COL4A1: variants seen among roughly 807,000 people sequenced by gnomAD.
COL4A1 encodes the protein collagen type IV alpha 1 chain.
Under a neutral mutation model 216.6 loss-of-function variants are expected in COL4A1, and 40 were observed. That is an observed-to-expected ratio of 0.18 (90% CI 0.14 to 0.24). The LOEUF (loss-of-function observed/expected upper bound fraction) is 0.24. COL4A1 is among the 10% of genes least tolerant of loss of function. The pLI is 1.00. For missense variants in COL4A1, 1,628 were observed against 2,196.8 expected, an observed-to-expected ratio of 0.74 and a Z score of 5.18; for synonymous variants, 839 against 810.7, an observed-to-expected ratio of 1.03 and a Z score of -0.59.
At chr13:110,214,081 C>A (rs563703903) in intron 2 of COL4A1, 66 bp from the exon 3 acceptor site, 4 of 1,247,530 alleles carry the variant, frequency 3.2e-6, no homozygotes, top group East Asian at 2.3e-5. Flanking sequence ...AATTGGTGAC[C>A]AACTGTGATG....
chr13:110,217,434 G>A (rs1363393027), intron 2 of COL4A1, among the ~76,000 whole-genome samples: 3 of 152,174 alleles, frequency 2.0e-5, no homozygotes, highest in Non-Finnish European at 4.4e-5. Flanking sequence ...TAGAGTCAGG[G>A]AGCAACAGGA....
At chr13:110,192,730 C>A in intron 23 of COL4A1, 100 bp downstream of exon 23, 1 of 1,011,882 alleles carries the variant, frequency 9.9e-7, no homozygotes, top group Non-Finnish European at 1.5e-6. Flanking sequence ...GATTGGCTGC[C>A]GAAAATCAGG....
At position 110,282,799 on chromosome 13, in the gene COL4A1, T is replaced by A. The variant is rs1883685952; in HGVS notation, c.84+24145A>T. ...AGGGATCATGAACTCTTTATTTAAG[T>A]ATTCACAAGCTTTCTGTCAAAAAAA... On this transcript the variant is annotated intron_variant, in intron 1 of 51. Coordinates refer to ENST00000375820, the MANE Select transcript of COL4A1 (RefSeq NM_001845.6). Among the ~76,000 whole-genome samples the A allele has an allele frequency of 1.3e-5, 2 of 152,208 alleles. 1 individual carries two copies. The highest frequency in any genetic ancestry group is 4.1e-4 in the South Asian group (2 of 4,830).
intron 28 of COL4A1, 146 bp downstream of exon 28, chr13:110,182,847 A>T: frequency 1.4e-6 from 1 of 711,196 alleles, no homozygotes; most frequent in Non-Finnish European, 2.3e-6. Context: ...TCCTGAAATC[A>T]CTGGGCTCAG....
intron 1 of COL4A1, among the ~76,000 whole-genome samples, chr13:110,246,477 A>T (rs1881818477): frequency 6.6e-6 from 1 of 152,214 alleles, no homozygotes; most frequent in South Asian, 2.1e-4. Context: ...TACTGTGTTT[A>T]AAAGGGGTAC....
chr13:110,172,616 TG>T, intron 41 of COL4A1, 103 bp downstream of exon 41: 2 of 1,134,318 alleles, frequency 1.8e-6, no homozygotes, highest in Middle Eastern at 2.2e-4. Flanking sequence ...CGTTGCTGCC[TG>T]GCCAACAGGC....
chr13:110,306,836 C>G (rs1490416625), intron 1 of COL4A1, 108 bp downstream of exon 1: 3 of 1,066,566 alleles, frequency 2.8e-6, no homozygotes, highest in Non-Finnish European at 3.7e-6. Context: ...CCGTGCCACG[C>G]GCGACCCCCG....
intron 26 of COL4A1, 86 bp from the exon 27 acceptor site, chr13:110,183,362 C>T (rs1020183022): frequency 2.6e-5 from 33 of 1,260,038 alleles, no homozygotes; most frequent in Admixed American, 7.8e-5. Context: ...GTGGGCTGCA[C>T]GCCACATCCT....
chr13:110,268,689 C>T lies in COL4A1; in HGVS notation c.85-25955G>A, dbSNP rs1005233763. On this transcript the variant is annotated intron_variant, in intron 1 of 51. Coordinates refer to ENST00000375820, the MANE Select transcript of COL4A1 (RefSeq NM_001845.6). The surrounding 1 kb of genome is among the most constrained non-coding windows in gnomAD (Gnocchi z 4.1). ...GCTCTACCTCTCCAAACCCGGGTGC[C>T]TTGTCCATGACCCCATGTGGGAATG... Among the ~76,000 whole-genome samples, 22 of 152,214 alleles carry T rather than the reference C, an allele frequency of 1.4e-4. No homozygotes were observed. The highest frequency in any genetic ancestry group is 2.9e-4 in the Non-Finnish European group (20 of 68,046).
intron 24 of COL4A1, among the ~76,000 whole-genome samples, chr13:110,188,319 G>A (rs992883913): frequency 1.3e-5 from 2 of 152,180 alleles, no homozygotes; most frequent in African/African-American, 4.8e-5. Flanking sequence ...ACATGCACAC[G>A]CTTCTGTGTG....
At chr13:110,215,754 T>C (rs1226388747) in intron 2 of COL4A1, among the ~76,000 whole-genome samples, 3 of 152,150 alleles carry the variant, frequency 2.0e-5, no homozygotes, top group Admixed American at 2.0e-4. Flanking sequence ...TTCAGTGCCT[T>C]TCTCAAAGTT....
chr13:110,284,954 G>A (rs1355898687), intron 1 of COL4A1, among the ~76,000 whole-genome samples: 1 of 152,220 alleles, frequency 6.6e-6, no homozygotes, highest in African/African-American at 2.4e-5. Context: ...AGCTGATGGT[G>A]TGGTCTAAAG....
In COL4A1 at chr13:110,170,674, G is replaced by C. The variant is rs145903540; in HGVS notation, c.3615C>G (p.Ser1205=). The part of the protein sequence containing the change: ...GLAGSPGIPG[S]KGEQGFMGPP... The stretch of plus-strand genomic sequence containing the variant: ...GACCCATGAATCCTTGCTCTCCTTT[G>C]GATCCAGGAATTCCTGGGCTCCCGG... The change falls in exon 42 of 52, where the codon TCC becomes TCG. Residue 1205 remains serine (S), a synonymous_variant. Coordinates refer to ENST00000375820, the MANE Select transcript of COL4A1 (RefSeq NM_001845.6). The C allele has an allele frequency of 3.5e-5, 57 of 1,614,024 alleles. No homozygotes were observed. Among genetic ancestry groups the C allele is most frequent in the Non-Finnish European group, 3.6e-5 (42 of 1,180,032 alleles).
intron 4 of COL4A1, among the ~76,000 whole-genome samples, 176 bp downstream of exon 4, chr13:110,213,606 A>G (rs1879921941): frequency 6.6e-6 from 1 of 152,200 alleles, no homozygotes; most frequent in Non-Finnish European, 1.5e-5. Flanking sequence ...ACTGGGGCTC[A>G]GGGAGTCACG....
rs1181656549 is a variant in COL4A1, at chr13:110,210,060, GAA to G, written c.553-20_553-19del. On this transcript the variant is annotated intron_variant, in intron 9 of 51. Coordinates refer to ENST00000375820, the MANE Select transcript of COL4A1 (RefSeq NM_001845.6). ...GGTGGGCCCTAGAATGCATGAGAAA[GAA>G]ATGAGTTCAGATGCGAACTGGGAGG... The G allele has an allele frequency of 3.7e-6, 6 of 1,613,970 alleles. No individual in the cohort carries two copies. The highest frequency in any genetic ancestry group is 5.1e-6 in the Non-Finnish European group (6 of 1,180,006).
rs1350968284 is a variant in COL4A1 at position 110,159,751 on chromosome 13, A to C, written c.4640+1441T>G. ...GAAACAAAACGTGGCACCTATGCACAATGAAATATTATTTGGCCCTAAGTA... is the reference window on the plus strand; with the variant it reads ...GAAACAAAACGTGGCACCTATGCACCATGAAATATTATTTGGCCCTAAGTA... On this transcript the variant is annotated intron_variant, in intron 49 of 51. Coordinates refer to ENST00000375820, the MANE Select transcript of COL4A1 (RefSeq NM_001845.6). Among the ~76,000 whole-genome samples, 4 of 152,384 alleles carry C rather than the reference A, an allele frequency of 2.6e-5. No homozygotes were observed. The East Asian group carries it at 7.7e-4, about 29-fold the overall frequency.
rs558610600 is a variant in COL4A1 at position 110,270,706 on chromosome 13, T to A, written c.85-27972A>T. Among the ~76,000 whole-genome samples, 4 of 152,330 alleles carry A rather than the reference T, an allele frequency of 2.6e-5. No homozygotes were observed. In the South Asian group the frequency reaches 8.3e-4, roughly 32 times the overall value. On this transcript the variant is annotated intron_variant, in intron 1 of 51. Transcript: ENST00000375820. ...ACACACGTGCCATGGCTGGGGGCAC[T>A]GGCCGAAACTGTGCCCTTAGTGGAG...
At position 110,248,099 on chromosome 13, in the gene COL4A1, C is replaced by T. The variant is rs897534886; in HGVS notation, c.85-5365G>A. Among the ~76,000 whole-genome samples the T allele has an allele frequency of 2.6e-5, 4 of 152,216 alleles. No homozygotes were observed. In the East Asian group the frequency reaches 5.8e-4, roughly 22 times the overall value. ...ACAGCTTATCTTTCAAATTCTTTCTCGCATTCCCTATGCTGTGCAAAAATG... is the reference window on the plus strand; with the variant it reads ...ACAGCTTATCTTTCAAATTCTTTCTTGCATTCCCTATGCTGTGCAAAAATG... On this transcript the variant is annotated intron_variant, in intron 1 of 51. Coordinates refer to ENST00000375820, the MANE Select transcript of COL4A1 (RefSeq NM_001845.6).
Position 110,195,130 on chromosome 13 carries a change from T to C in COL4A1, c.1286-12A>G. 6.2e-7 allele frequency: 1 copy of C among 1,610,604 alleles called. No individual in the cohort carries two copies. The highest frequency in any genetic ancestry group is 8.5e-7 in the Non-Finnish European group (1 of 1,176,804). ...TTCCACAATTCCATCTGAAATTGAGTTGTCAGAGTTATAGGATCATAGCTA... is the reference window on the plus strand; with the variant it reads ...TTCCACAATTCCATCTGAAATTGAGCTGTCAGAGTTATAGGATCATAGCTA... On this transcript the variant is annotated splice_polypyrimidine_tract_variant and intron_variant, in intron 21 of 51. Transcript: ENST00000375820.
Sources: allele counts gnomAD v4.1 joint callset (sites outside exome capture counted in the v4.1 genomes callset), GRCh38; gene constraint gnomAD v4.1.1; non-coding constraint Gnocchi (gnomAD v3.1); transcripts MANE v1.5; gene names NCBI Gene and HGNC (gene_info 2026-07-23, HGNC 2026-07-21).